The following MSTO1 variants were observed in gnomAD, a reference collection of about 807,000 sequenced individuals.
The protein encoded by MSTO1 is protein misato homolog 1.
In MSTO1, 24 loss-of-function variants were observed where a neutral mutation model predicts 55.7. The ratio of observed to expected loss-of-function variants is 0.43; its 90% CI spans 0.31 to 0.61. The LOEUF is 0.61. MSTO1 is among the 20% of genes least tolerant of loss of function. MSTO1 has a pLI of 0.09. For missense variants in MSTO1, 363 were observed against 625.7 expected (o/e 0.58, Z 4.48); for synonymous variants, 162 against 252.8 (o/e 0.64, Z 3.41).
chr1:155,574,733 A>AT, the MSTO1 span, among the ~76,000 whole-genome samples: 8 of 151,786 alleles, frequency 5.3e-5, no homozygotes, highest in Non-Finnish European at 1.2e-4. Context: ...TGTTCAGCTA[A>AT]TTTTTTTTAT....
the MSTO1 span, chr1:155,598,780 A>T: frequency 1.1e-6 from 1 of 939,714 alleles, no homozygotes; most frequent in Non-Finnish European, 1.7e-6. Context: ...TGACCTTTCT[A>T]GTCACCTTGT....
At chr1:155,590,696 A>AC in the MSTO1 span, 4 of 1,518,602 alleles carry the variant, frequency 2.6e-6, no homozygotes, top group South Asian at 2.5e-5. Context: ...GGGCCCCGTG[A>AC]CCCCCCGGAG....
the MSTO1 span, among the ~76,000 whole-genome samples, chr1:155,573,846 A>G: frequency 2.0e-5 from 3 of 151,904 alleles, no homozygotes; most frequent in African/African-American, 7.3e-5. Flanking sequence ...CTCACAAAAA[A>G]AAAAAAAAAA....
chr1:155,577,041 AAGTT>A, the MSTO1 span, among the ~76,000 whole-genome samples: 1 of 148,276 alleles, frequency 6.7e-6, no homozygotes, highest in African/African-American at 2.5e-5. Flanking sequence ...AAAAAAAAAA[AAGTT>A]AGAAAACTCA....
At chr1:155,579,636 C>A in the MSTO1 span, among the ~76,000 whole-genome samples, 1 of 152,124 alleles carries the variant, frequency 6.6e-6, no homozygotes, top group African/African-American at 2.4e-5. Flanking sequence ...TTCAGCTGAG[C>A]ATAATAACGT....
chr1:155,566,792 T>TA, the MSTO1 span, among the ~76,000 whole-genome samples: 2 of 151,698 alleles, frequency 1.3e-5, no homozygotes, highest in Non-Finnish European at 2.9e-5. Flanking sequence ...ATTTTGTATT[T>TA]TTAGTAGAGA....
In MSTO1 at chr1:155,613,178, C is replaced by T. The variant is rs759219502; in HGVS notation, c.1228C>T (p.Arg410Cys). The part of the protein sequence containing the change: ...LSACGEPSGT[R>C]CFAQSVVLRG... ...TGCATGTGGGGAGCCTTCTGGAACACGTTGCTTTGCCCAGTCAGTGGTGCT... is the reference window on the plus strand; with the variant it reads ...TGCATGTGGGGAGCCTTCTGGAACATGTTGCTTTGCCCAGTCAGTGGTGCT... The change falls in exon 11 of 14, where the codon CGT becomes TGT. Residue 410 changes from arginine to cysteine, a missense_variant. Physicochemically the swap from Arg to Cys is radical, Grantham distance 180 (BLOSUM62 -3). Coordinates refer to ENST00000245564, the MANE Select transcript of MSTO1 (RefSeq NM_018116.4). 3.7e-6 allele frequency: 6 copies of T among 1,614,026 alleles called. No individual in the cohort carries two copies. Among genetic ancestry groups the T allele is most frequent in the Admixed American group, 3.3e-5 (2 of 59,996 alleles).
At chr1:155,595,136 TA>T in the MSTO1 span, among the ~76,000 whole-genome samples, 6,888 of 89,290 alleles carry the variant, frequency 0.077, 630 homozygotes, top group African/African-American at 0.25. Flanking sequence ...AGATTCTGTC[TA>T]AAAAAAAAAA....
the MSTO1 span, among the ~76,000 whole-genome samples, chr1:155,596,297 A>C: frequency 2.6e-5 from 4 of 152,216 alleles, no homozygotes; most frequent in African/African-American, 9.6e-5. Flanking sequence ...GTTTCTATGG[A>C]AACAGCAGCA....
In MSTO1 at chr1:155,614,081, TG is replaced by T. The variant is rs1675120593; in HGVS notation, c.1525del (p.Ala509HisfsTer40). 6.9e-7 allele frequency: 1 copy of T among 1,454,246 alleles called. No individual in the cohort carries two copies. Among genetic ancestry groups the T allele is most frequent in the Admixed American group, 2.5e-5 (1 of 40,662 alleles). 90.1% of individuals were successfully genotyped at this position (1,454,246 alleles called of 1,614,324 possible). On this transcript the variant is annotated frameshift_variant, in exon 14 of 14. Transcript: ENST00000245564. LOFTEE classifies it low-confidence loss of function (END_TRUNC). ...CAGCAGTGGAGAGCATCCCAGTGTTTGGGGCACTGTGTTCCTCTTCGTCCCT... is the reference window on the plus strand; with the variant it reads ...CAGCAGTGGAGAGCATCCCAGTGTTTGGGCACTGTGTTCCTCTTCGTCCCT... ...GAAVESIPVF[G>X]ALCSSSSLHQ... is the part of the protein sequence containing the mutation.
At chr1:155,598,757 T>C in the MSTO1 span, 1 of 721,892 alleles carries the variant, frequency 1.4e-6, no homozygotes, top group South Asian at 1.5e-5. Flanking sequence ...ATAAGTACTG[T>C]TGACAGTACA....
At chr1:155,569,771 T>A in the MSTO1 span, among the ~76,000 whole-genome samples, 3 of 152,034 alleles carry the variant, frequency 2.0e-5, no homozygotes, top group Admixed American at 1.3e-4. Flanking sequence ...TTTTTTAGGT[T>A]TTTTTTACGA....
At chr1:155,602,241 G>A in the MSTO1 span, 4 of 477,908 alleles carry the variant, frequency 8.4e-6, no homozygotes, top group Non-Finnish European at 1.6e-5. Context: ...CACTTTAGGA[G>A]ACCGAGGAGG....
At chr1:155,577,041 AAGTTAG>A in the MSTO1 span, among the ~76,000 whole-genome samples, 2 of 148,276 alleles carry the variant, frequency 1.3e-5, no homozygotes, top group African/African-American at 5.0e-5. Flanking sequence ...AAAAAAAAAA[AAGTTAG>A]AAAACTCACC....
At chr1:155,569,948 A>G in the MSTO1 span, among the ~76,000 whole-genome samples, 1 of 152,292 alleles carries the variant, frequency 6.6e-6, no homozygotes, top group Middle Eastern at 3.4e-3. Flanking sequence ...AAACAATATT[A>G]TTGATATTGC....
Position 155,612,487 on chromosome 1 carries a change from T to G in MSTO1, c.883T>G (p.Ser295Ala), listed in dbSNP as rs1281769726. ...FGLVHLTAHS[S>A]LVCPLSLGGS... The stretch of plus-strand genomic sequence containing the variant: ...TCTCGTGCACCTGACTGCTCACAGC[T>G]CTCTTGTCTGCCCCTTGTCCTTGGG... The change falls in exon 9 of 14, where the codon TCT becomes GCT. Residue 295 changes from serine (S) to alanine (A), a missense_variant. Ser to Ala is a moderately conservative substitution (Grantham distance 99, BLOSUM62 1). Coordinates refer to ENST00000245564, the MANE Select transcript of MSTO1 (RefSeq NM_018116.4). The G allele has an allele frequency of 6.2e-7, 1 of 1,613,848 alleles. No homozygotes were observed. Among genetic ancestry groups the G allele is most frequent in the African/African-American group, 1.3e-5 (1 of 74,856 alleles).
chr1:155,581,282 TAA>T, the MSTO1 span, among the ~76,000 whole-genome samples: 1 of 152,072 alleles, frequency 6.6e-6, no homozygotes, highest in Non-Finnish European at 1.5e-5. Flanking sequence ...ACATTTTAAA[TAA>T]AGACTGTGGT....
upstream of MSTO1, among the ~76,000 whole-genome samples, chr1:155,609,241 ATATTT>A (rs1673271655): frequency 4.1e-5 from 2 of 48,342 alleles, no homozygotes; most frequent in African/African-American, 1.5e-4. Flanking sequence ...ATATATATAT[ATATTT>A]TTTTTTTTTT....
At chr1:155,592,042 C>T in the MSTO1 span, among the ~76,000 whole-genome samples, 1 of 152,132 alleles carries the variant, frequency 6.6e-6, no homozygotes, top group East Asian at 1.9e-4. Flanking sequence ...TGTAAAGAGG[C>T]ATGGTGCTTT....
Sources: allele counts gnomAD v4.1 joint callset (sites outside exome capture counted in the v4.1 genomes callset), GRCh38; gene constraint gnomAD v4.1.1; transcripts MANE v1.5; gene names NCBI Gene and HGNC (gene_info 2026-07-23, HGNC 2026-07-21).